IL1RL1: variants seen among roughly 807,000 people sequenced by gnomAD.
IL1RL1 encodes the protein interleukin-1 receptor-like 1.
Under a neutral mutation model 50.9 loss-of-function variants are expected in IL1RL1, and 32 were observed. The ratio of observed to expected loss-of-function variants is 0.63; its 90% confidence interval spans 0.47 to 0.84. IL1RL1 has a LOEUF of 0.84. IL1RL1 is among the 40% of genes least tolerant of loss of function. The probability of loss-of-function intolerance (pLI) is 0.00; values close to 1 mark genes in which losing one functional copy is unlikely to be tolerated. For synonymous variants in IL1RL1, 275 were observed against 236.0 expected, an observed-to-expected ratio of 1.17 and a Z score of -1.51; for missense variants, 773 against 662.9, an observed-to-expected ratio of 1.17 and a Z score of -1.82.
chr2:102,336,587 A>G (rs1334278219), intron 1 of IL1RL1, among the ~76,000 whole-genome samples: 1 of 152,162 alleles, frequency 6.6e-6, no homozygotes, highest in African/African-American at 2.4e-5. Flanking sequence ...CTGGAGCCCT[A>G]GAGTTCAGGG....
intron 9 of IL1RL1, among the ~76,000 whole-genome samples, chr2:102,348,478 T>A (rs1421197873): frequency 2.0e-5 from 3 of 152,178 alleles, no homozygotes; most frequent in Non-Finnish European, 4.4e-5. Flanking sequence ...GAAAGGTCCA[T>A]CGGAATGCAT....
chr2:102,316,710 A>G (rs1366178261), intron 1 of IL1RL1, among the ~76,000 whole-genome samples: 1 of 152,222 alleles, frequency 6.6e-6, no homozygotes, highest in African/African-American at 2.4e-5. Flanking sequence ...GTACAATTTC[A>G]TTTCCCTTCT....
rs369076920 is a variant in IL1RL1 at position 102,340,061 on chromosome 2, T to G, written c.273-37T>G. 8.4e-6 allele frequency: 11 copies of G among 1,308,010 alleles called. No individual in the cohort carries two copies. The African/African-American group carries it at 1.1e-4, about 13-fold the overall frequency. The allele number at this position is 1,308,010 out of a possible 1,614,324, so 81.0% of individuals were successfully genotyped here. A position where few individuals can be genotyped will look rare whatever the true frequency, so the allele number is the denominator to read the frequency against. ...TTTAGATTAAGTTATTTCACAATGC[T>G]AAGTGACTCTTTTAATTGTCTGACT... On this transcript the variant is annotated intron_variant, in intron 3 of 10. Coordinates refer to ENST00000233954, the MANE Select transcript of IL1RL1 (RefSeq NM_016232.5).
downstream of IL1RL1, among the ~76,000 whole-genome samples, chr2:102,352,219 G>A (rs1225864668): frequency 7.5e-6 from 1 of 133,658 alleles, no homozygotes; most frequent in Middle Eastern, 3.2e-3. Context: ...CTCTCTCTCT[G>A]TCTTGCTTTG....
intron 1 of IL1RL1, among the ~76,000 whole-genome samples, chr2:102,311,960 TTA>T (rs1288663013): frequency 2.1e-4 from 7 of 32,764 alleles, no homozygotes; most frequent in South Asian, 1.2e-3. Context: ...ATAATATATA[TTA>T]TATATAATAT....
intron 1 of IL1RL1, among the ~76,000 whole-genome samples, chr2:102,326,034 C>A (rs928368954): frequency 6.6e-6 from 1 of 152,078 alleles, no homozygotes; most frequent in Non-Finnish European, 1.5e-5. Flanking sequence ...AAGAGCAACT[C>A]CAAGACACAT....
At chr2:102,348,432 CA>C (rs140594705) in intron 9 of IL1RL1, among the ~76,000 whole-genome samples, 16,581 of 152,158 alleles carry the variant, frequency 0.11, 995 homozygotes, top group Non-Finnish European at 0.13. Flanking sequence ...AACACAGTAG[CA>C]AAATTGTTCC....
intron 1 of IL1RL1, among the ~76,000 whole-genome samples, chr2:102,328,950 G>T (rs1677093450): frequency 6.6e-6 from 1 of 152,114 alleles, no homozygotes; most frequent in Non-Finnish European, 1.5e-5. Context: ...TCCCCATCAA[G>T]CTACCAATGA....
chr2:102,314,542 C>T (rs1676617993), intron 1 of IL1RL1, among the ~76,000 whole-genome samples: 2 of 152,194 alleles, frequency 1.3e-5, no homozygotes. Context: ...TCAACAACTG[C>T]AGATCCTATC....
chr2:102,342,357 T>C, intron 6 of IL1RL1, 63 bp downstream of exon 6: 1 of 1,161,998 alleles, frequency 8.6e-7, no homozygotes, highest in South Asian at 1.2e-5. Flanking sequence ...ATGACCCCTG[T>C]TCTGAATTCC....
At chr2:102,342,167 T>C (rs369900795) in intron 5 of IL1RL1, 56 bp from the exon 6 acceptor site, 24 of 1,223,602 alleles carry the variant, frequency 2.0e-5, no homozygotes, top group Admixed American at 1.3e-4. Flanking sequence ...ATACAAGCTT[T>C]ATATTGACTA....
chr2:102,340,919 C>G (rs1677535096), intron 5 of IL1RL1, 91 bp downstream of exon 5: 7 of 950,224 alleles, frequency 7.4e-6, no homozygotes, highest in Non-Finnish European at 1.1e-5. Context: ...TCTTGCACTT[C>G]TCCCTCCTCC....
intron 1 of IL1RL1, among the ~76,000 whole-genome samples, chr2:102,334,882 A>G (rs1047271986): frequency 5.3e-5 from 8 of 152,192 alleles, no homozygotes; most frequent in Non-Finnish European, 1.0e-4. Flanking sequence ...CCCTCAAAAC[A>G]TAAGGTTTTG....
At chr2:102,320,656 C>A (rs1676809204) in intron 1 of IL1RL1, among the ~76,000 whole-genome samples, 1 of 152,094 alleles carries the variant, frequency 6.6e-6, no homozygotes, top group African/African-American at 2.4e-5. Flanking sequence ...TAACTAGCAA[C>A]CCTATTTGAC....
At chr2:102,348,963 G>T in intron 9 of IL1RL1, 116 bp from the exon 10 acceptor site, 2 of 715,370 alleles carry the variant, frequency 2.8e-6, no homozygotes, top group Non-Finnish European at 2.4e-6. Flanking sequence ...AGAATATTTT[G>T]GAGGATGACA....
At chr2:102,347,598 G>GCCT (rs1248933971) in intron 8 of IL1RL1, among the ~76,000 whole-genome samples, 1 of 151,990 alleles carries the variant, frequency 6.6e-6, no homozygotes, top group Non-Finnish European at 1.5e-5. Flanking sequence ...TCTTTCAGAG[G>GCCT]CCTCCTCCTC....
chr2:102,338,960 GA>G lies in IL1RL1; in HGVS notation c.188del (p.Asn63IlefsTer10), dbSNP rs1459679965. On this transcript the variant is annotated frameshift_variant, in exon 3 of 11. Coordinates refer to ENST00000233954, the MANE Select transcript of IL1RL1 (RefSeq NM_016232.5). LOFTEE classifies it high-confidence loss of function. Reference sequence around the variant, plus strand: ...AACAAAAGTATTCCCACTCAGGAAAGAAATCGTGTGTTTGCCTCAGGCCAAC... The same window carrying G: ...AACAAAAGTATTCCCACTCAGGAAAGAATCGTGTGTTTGCCTCAGGCCAAC... ...QTNKSIPTQE[R>X]NRVFASGQLL... The G allele has an allele frequency of 3.1e-6, 5 of 1,613,916 alleles. No individual in the cohort carries two copies. Among genetic ancestry groups the G allele is most frequent in the Non-Finnish European group, 3.4e-6 (4 of 1,179,928 alleles).
chr2:102,349,117 A>C lies in IL1RL1; in HGVS notation c.1156A>C (p.Asn386His). 1 of 1,613,782 alleles carries C rather than the reference A, an allele frequency of 6.2e-7. No homozygotes were observed. Among genetic ancestry groups the C allele is most frequent in the Non-Finnish European group, 8.5e-7 (1 of 1,179,672 alleles). ...TGATGCTTATGTTGTCTACCCACGGAACTACAAATCCAGTACAGATGGGGC... is the reference window on the plus strand; with the variant it reads ...TGATGCTTATGTTGTCTACCCACGGCACTACAAATCCAGTACAGATGGGGC... The part of the protein sequence containing the change: ...LYDAYVVYPR[N>H]YKSSTDGASR... The change falls in exon 10 of 11, where the codon AAC (asparagine) becomes CAC (histidine). Residue 386 changes from asparagine (N) to histidine (H), a missense_variant. Asn to His is a moderately conservative substitution (Grantham distance 68, BLOSUM62 1). Coordinates refer to ENST00000233954, the MANE Select transcript of IL1RL1 (RefSeq NM_016232.5).
At chr2:102,341,792 G>A (rs1677575931) in intron 5 of IL1RL1, among the ~76,000 whole-genome samples, 1 of 152,192 alleles carries the variant, frequency 6.6e-6, no homozygotes, top group South Asian at 2.1e-4. Flanking sequence ...AGATTTCACT[G>A]AGGATGGGCC....
Sources: gnomAD v4.1 joint callset for allele counts (sites outside exome capture counted in the v4.1 genomes callset) on GRCh38, gnomAD v4.1.1 for gene constraint, MANE v1.5 for transcripts, NCBI Gene and HGNC (gene_info 2026-07-23, HGNC 2026-07-21) for gene names.